The following RXFP2 variants were observed in gnomAD, a reference collection of about 807,000 sequenced individuals.
RXFP2 encodes relaxin family peptide receptor 2.
A neutral mutation model predicts 88.6 loss-of-function variants in RXFP2; 68 were observed. That is an observed-to-expected ratio of 0.77 (90% confidence interval 0.63 to 0.94). The LOEUF is 0.94. Among genes scored for constraint, RXFP2 ranks in the 40% least tolerant of loss-of-function variants. RXFP2 has a pLI of 0.00. For missense variants in RXFP2, 791 were observed against 893.9 expected, an observed-to-expected ratio of 0.88 and a Z score of 1.47; for synonymous variants, 329 against 306.8, an observed-to-expected ratio of 1.07 and a Z score of -0.76.
intron 1 of RXFP2, among the ~76,000 whole-genome samples, chr13:31,747,946 T>C (rs1871494952): frequency 6.6e-6 from 1 of 152,154 alleles, no homozygotes; most frequent in African/African-American, 2.4e-5. Flanking sequence ...ATCTTAATTA[T>C]CTTAAAAGTC....
chr13:31,755,655 G>A (rs1283456713), intron 1 of RXFP2, among the ~76,000 whole-genome samples: 2 of 152,148 alleles, frequency 1.3e-5, no homozygotes, highest in Non-Finnish European at 2.9e-5. Flanking sequence ...TTACAAGCAA[G>A]AAATTAAGGG....
chr13:31,791,968 C>G lies in RXFP2; in HGVS notation c.1308C>G (p.Val436=). Residue 436 remains valine, a synonymous_variant, in exon 15 of 18, where the codon GTC becomes GTG. Coordinates refer to ENST00000298386, the MANE Select transcript of RXFP2 (RefSeq NM_130806.5). ...TTACCTGCTTTGGAAATCTTTTTGT[C>G]ATTGGCATGAGATCTTTCATTAAAG... ...AFITCFGNLF[V]IGMRSFIKAE... The G allele has an allele frequency of 6.2e-7, 1 of 1,614,084 alleles. No homozygotes were observed. Among genetic ancestry groups the G allele is most frequent in the African/African-American group, 1.3e-5 (1 of 75,026 alleles).
intron 1 of RXFP2, among the ~76,000 whole-genome samples, chr13:31,743,102 T>C (rs1871278619): frequency 6.6e-6 from 1 of 152,204 alleles, no homozygotes; most frequent in African/African-American, 2.4e-5. Context: ...ATCAGAAAAG[T>C]GCTCCGAAGC....
chr13:31,746,224 A>G (rs192010988), intron 1 of RXFP2, among the ~76,000 whole-genome samples: 209 of 152,274 alleles, frequency 1.4e-3, no homozygotes, highest in Middle Eastern at 3.4e-3. Flanking sequence ...TGTTCAATGG[A>G]TCATACACCT....
intron 10 of RXFP2, 47 bp from the exon 11 acceptor site, chr13:31,782,629 C>G (rs112077541): frequency 7.2e-7 from 1 of 1,383,962 alleles, no homozygotes; most frequent in African/African-American, 1.4e-5. Flanking sequence ...GAACTGATTA[C>G]TACAGCAGAC....
At chr13:31,759,541 G>A (rs1306597451) in intron 2 of RXFP2, among the ~76,000 whole-genome samples, 3 of 152,002 alleles carry the variant, frequency 2.0e-5, no homozygotes, top group Admixed American at 2.0e-4. Context: ...TGTGTTTGAT[G>A]GTGTGTGGCT....
At chr13:31,774,022 G>A (rs1052384568) in intron 5 of RXFP2, among the ~76,000 whole-genome samples, 1 of 152,164 alleles carries the variant, frequency 6.6e-6, no homozygotes, top group African/African-American at 2.4e-5. Context: ...AATCAATACT[G>A]TACTATTAAG....
rs780161582 is a variant in RXFP2, at chr13:31,766,024, A to T, written c.494A>T (p.Lys165Met). The T allele has an allele frequency of 8.8e-6, 13 of 1,471,470 alleles. No individual in the cohort carries two copies. The highest frequency in any genetic ancestry group is 6.8e-5 in the Admixed American group (4 of 58,964). 91.2% of individuals were successfully genotyped at this position (1,471,470 alleles called of 1,614,324 possible). ...TTCATCAAATACACAAAACTTAAAA[A>T]GATGTAAGTAGCCGTTAATAGCATA... ...KVFIKYTKLK[K>M]IFLQHNCIRH... Residue 165 changes from lysine to methionine, a missense_variant, in exon 5 of 18, where the codon AAG (lysine) becomes ATG (methionine). Transcript: ENST00000298386.
chr13:31,753,449 G>A (rs1449098921), intron 1 of RXFP2, among the ~76,000 whole-genome samples: 1 of 152,176 alleles, frequency 6.6e-6, no homozygotes, highest in African/African-American at 2.4e-5. Context: ...CCTCCTCTCA[G>A]CTGTGTGTTT....
intron 2 of RXFP2, among the ~76,000 whole-genome samples, chr13:31,761,294 A>G (rs1872289507): frequency 6.6e-6 from 1 of 152,238 alleles, no homozygotes; most frequent in Non-Finnish European, 1.5e-5. Flanking sequence ...TATTAAAAAA[A>G]AGTCAGATGA....
chr13:31,801,997 C>T, intron 17 of RXFP2, 149 bp from the exon 18 acceptor site: 2 of 755,216 alleles, frequency 2.6e-6, no homozygotes, highest in Non-Finnish European at 4.3e-6. Context: ...CTTCTGTGCT[C>T]TTCCAACAAA....
intron 11 of RXFP2, among the ~76,000 whole-genome samples, chr13:31,783,983 A>ATTTTTTT (rs10686799): frequency 0.014 from 1,717 of 121,498 alleles, 53 homozygotes; most frequent in African/African-American, 0.026. Context: ...TGCCTGGCTA[A>ATTTTTTT]TTTTTTTTTT....
rs1871155340 is a variant in RXFP2, at chr13:31,739,810, A to G, written c.94+104A>G. 9 of 764,568 alleles carry G rather than the reference A, an allele frequency of 1.2e-5. No homozygotes were observed. In the Admixed American group the frequency reaches 1.8e-4, roughly 15 times the overall value. 47.4% of individuals were successfully genotyped at this position (764,568 alleles called of 1,614,324 possible). A position where few individuals can be genotyped will look rare whatever the true frequency, so the allele number is the denominator to read the frequency against. On this transcript the variant is annotated intron_variant, in intron 1 of 17. Transcript: ENST00000298386. ...ATAAATATATTGGGGTGTTTAAAAAAAAAACAGACATCAAATTTGCCTGGT... is the reference window on the plus strand; with the variant it reads ...ATAAATATATTGGGGTGTTTAAAAAGAAAACAGACATCAAATTTGCCTGGT...
chr13:31,788,383 G>T (rs1873649754), intron 13 of RXFP2, among the ~76,000 whole-genome samples: 1 of 152,160 alleles, frequency 6.6e-6, no homozygotes, highest in South Asian at 2.1e-4. Context: ...AAAGGCCTCT[G>T]TCTTTTTAGA....
In RXFP2 at chr13:31,796,943, A is replaced by C. The variant is rs114780511; in HGVS notation, c.1787-258A>C. On this transcript the variant is annotated intron_variant, in intron 16 of 17. Coordinates refer to ENST00000298386, the MANE Select transcript of RXFP2 (RefSeq NM_130806.5). Reference sequence around the variant, plus strand: ...TGTATGCAAACTTTGTTTCATGCCCAAAATTATTTAAAATATTGTACAAAA... The same window carrying C: ...TGTATGCAAACTTTGTTTCATGCCCCAAATTATTTAAAATATTGTACAAAA... Among the ~76,000 whole-genome samples, 1,031 of 152,340 alleles carry C rather than the reference A, an allele frequency of 6.8e-3. 11 individuals carry two copies. Among genetic ancestry groups the C allele is most frequent in the African/African-American group, 0.023 (972 of 41,584 alleles).
chr13:31,802,136 C>G lies in RXFP2; in HGVS notation c.2006-10C>G, dbSNP rs771199470. On this transcript the variant is annotated splice_polypyrimidine_tract_variant and intron_variant, in intron 17 of 17. Coordinates refer to ENST00000298386, the MANE Select transcript of RXFP2 (RefSeq NM_130806.5). Reference sequence around the variant, plus strand: ...TCAACTTTTTTTTCACACTTTGCTTCCTTTTCCAGACACAATGACTTCCTG... The same window carrying G: ...TCAACTTTTTTTTCACACTTTGCTTGCTTTTCCAGACACAATGACTTCCTG... 6 of 1,613,678 alleles carry G rather than the reference C, an allele frequency of 3.7e-6. No homozygotes were observed. The Admixed American group carries it at 1.0e-4, about 27-fold the overall frequency.
At chr13:31,756,446 A>G (rs1295153684) in intron 1 of RXFP2, among the ~76,000 whole-genome samples, 1 of 152,090 alleles carries the variant, frequency 6.6e-6, no homozygotes, top group Non-Finnish European at 1.5e-5. Flanking sequence ...GCTATGTTAA[A>G]AATATCATCT....
At chr13:31,771,022 G>A (rs1008577616) in intron 5 of RXFP2, among the ~76,000 whole-genome samples, 2 of 152,192 alleles carry the variant, frequency 1.3e-5, no homozygotes, top group African/African-American at 4.8e-5. Context: ...TGAACATGCA[G>A]TTTGCCTAAA....
chr13:31,757,807 T>A (rs558989792), intron 1 of RXFP2, among the ~76,000 whole-genome samples: 2 of 152,172 alleles, frequency 1.3e-5, no homozygotes, highest in Admixed American at 1.3e-4. Flanking sequence ...TAAAATGTTA[T>A]CATTGGCCAG....
Sources: allele counts gnomAD v4.1 joint callset (sites outside exome capture counted in the v4.1 genomes callset), GRCh38; gene constraint gnomAD v4.1.1; transcripts MANE v1.5; gene names NCBI Gene and HGNC (gene_info 2026-07-23, HGNC 2026-07-21).